RAB27B: variants seen among roughly 807,000 people sequenced by gnomAD.
RAB27B encodes ras-related protein Rab-27B.
A neutral mutation model predicts 24.6 loss-of-function variants in RAB27B; 15 were observed. That is an observed-to-expected ratio of 0.61 (90% CI 0.41 to 0.94). The LOEUF (loss-of-function observed/expected upper bound fraction) is 0.94, where lower values mean the gene tolerates loss of function less well. Ranked by LOEUF, RAB27B falls within the 40% of genes least tolerant of loss-of-function variation. The probability of loss-of-function intolerance (pLI) is 0.00; values close to 1 mark genes in which losing one functional copy is unlikely to be tolerated. For missense variants in RAB27B, 261 were observed against 266.8 expected (o/e 0.98, Z 0.15); for synonymous variants, 105 against 92.5 (o/e 1.14, Z -0.78).
intron 2 of RAB27B, among the ~76,000 whole-genome samples, chr18:54,784,843 G>A (rs1909030669): frequency 6.6e-6 from 1 of 152,146 alleles, no homozygotes; most frequent in African/African-American, 2.4e-5. Context: ...TAATGGGATT[G>A]CTGGGTCAAA....
At chr18:54,787,744 C>A (rs948842753) in intron 2 of RAB27B, among the ~76,000 whole-genome samples, 3 of 150,056 alleles carry the variant, frequency 2.0e-5, no homozygotes, top group African/African-American at 7.4e-5. Flanking sequence ...AAAAAAAAAA[C>A]CTTCTCTAAC....
intron 1 of RAB27B, among the ~76,000 whole-genome samples, chr18:54,852,729 T>C (rs530401958): frequency 2.0e-5 from 3 of 152,354 alleles, no homozygotes; most frequent in South Asian, 4.1e-4. Flanking sequence ...GGAAAGGAAG[T>C]AGTGTCTTTT....
At chr18:54,720,811 T>C (rs1015830266) in intron 2 of RAB27B, among the ~76,000 whole-genome samples, 4 of 152,076 alleles carry the variant, frequency 2.6e-5, no homozygotes, top group Admixed American at 2.6e-4. Flanking sequence ...CCTTTTTTAT[T>C]TGTCATGAAA....
intron 1 of RAB27B, among the ~76,000 whole-genome samples, chr18:54,850,851 T>G (rs2145218514): frequency 6.6e-6 from 1 of 151,708 alleles, no homozygotes; most frequent in African/African-American, 2.4e-5. Context: ...GAATACATAT[T>G]CCTAAAGAGA....
At chr18:54,782,268 C>T (rs974670113) in intron 2 of RAB27B, among the ~76,000 whole-genome samples, 9 of 152,118 alleles carry the variant, frequency 5.9e-5, no homozygotes, top group African/African-American at 2.2e-4. Flanking sequence ...TTTTCGTGTC[C>T]TGTTTACAAA....
chr18:54,721,565 G>A (rs9783849), intron 2 of RAB27B, among the ~76,000 whole-genome samples: 32,931 of 152,062 alleles, frequency 0.22, 5,788 homozygotes, highest in African/African-American at 0.49. Flanking sequence ...ATCTCTTGCT[G>A]TATTGCAAGT....
At chr18:54,846,219 A>G (rs149447730) in intron 1 of RAB27B, among the ~76,000 whole-genome samples, 573 of 152,310 alleles carry the variant, frequency 3.8e-3, no homozygotes, top group African/African-American at 0.013. Context: ...GCTGTTGACG[A>G]TGAGTTCAGT....
intron 2 of RAB27B, among the ~76,000 whole-genome samples, chr18:54,775,382 C>T (rs1261968324): frequency 6.6e-6 from 1 of 152,146 alleles, no homozygotes; most frequent in East Asian, 1.9e-4. Flanking sequence ...GATTTCTTGG[C>T]CTAAGTTTTG....
chr18:54,792,973 G>T (rs1909299923), intron 2 of RAB27B, among the ~76,000 whole-genome samples: 1 of 152,072 alleles, frequency 6.6e-6, no homozygotes, highest in African/African-American at 2.4e-5. Flanking sequence ...ATAGAAGTCA[G>T]CCTTCTGTAT....
In RAB27B at chr18:54,791,377, C is replaced by A. The variant is rs145843124; in HGVS notation, c.-20+73236C>A. On this transcript the variant is annotated intron_variant, in intron 2 of 4. Coordinates refer to the RAB27B transcript ENST00000586570. ...CTGCTTAAGGCCAGCAGTTTAAGAC[C>A]AGCCAGGGCAACATAGTGAGACCCC... Among the ~76,000 whole-genome samples, 81 of 152,230 alleles carry A rather than the reference C, an allele frequency of 5.3e-4. 2 individuals carry two copies. The highest frequency in any genetic ancestry group is 3.4e-3 in the Middle Eastern group (1 of 294).
chr18:54,722,292 G>A (rs978680745), intron 2 of RAB27B, among the ~76,000 whole-genome samples: 2 of 152,146 alleles, frequency 1.3e-5, no homozygotes, highest in East Asian at 1.9e-4. Context: ...AATTGTTTCC[G>A]AATCTTCTAA....
intron 1 of RAB27B, among the ~76,000 whole-genome samples, chr18:54,850,400 CTCACTCTGTCACCCA>C (rs2145217586): frequency 7.4e-6 from 1 of 135,580 alleles, no homozygotes; most frequent in South Asian, 2.5e-4. Context: ...GAGACAGAGT[CTCACTCTGTCACCCA>C]GCCTGGAGTG....
intron 1 of RAB27B, among the ~76,000 whole-genome samples, chr18:54,866,821 T>G (rs992971987): frequency 1.3e-5 from 2 of 152,190 alleles, no homozygotes; most frequent in African/African-American, 4.8e-5. Flanking sequence ...AAACCCGATG[T>G]GGGGCAGCTC....
intron 1 of RAB27B, among the ~76,000 whole-genome samples, chr18:54,859,021 A>G (rs1457535061): frequency 6.6e-6 from 1 of 152,180 alleles, no homozygotes; most frequent in South Asian, 2.1e-4. Flanking sequence ...GTTCAAAAAT[A>G]TGAGAAACTA....
upstream of RAB27B, among the ~76,000 whole-genome samples, chr18:54,825,348 C>T (rs12959833): frequency 0.2 from 30,192 of 152,042 alleles, 3,603 homozygotes; most frequent in East Asian, 0.39. Flanking sequence ...GTGAAACTTT[C>T]GATCTCCAAA....
intron 2 of RAB27B, among the ~76,000 whole-genome samples, chr18:54,733,132 A>G (rs1219900307): frequency 2.6e-5 from 4 of 152,008 alleles, no homozygotes; most frequent in Non-Finnish European, 5.9e-5. Flanking sequence ...TGTAACCTCA[A>G]ACTCCTGGGC....
Position 54,889,519 on chromosome 18 carries a change from C to G in RAB27B, c.*106C>G. 1 of 1,004,574 alleles carries G rather than the reference C, an allele frequency of 1.0e-6. No individual in the cohort carries two copies. The highest frequency in any genetic ancestry group is 2.7e-5 in the East Asian group (1 of 36,804). 62.2% of individuals were successfully genotyped at this position (1,004,574 alleles called of 1,614,324 possible). On this transcript the variant is annotated 3_prime_UTR_variant, in exon 6 of 6. Coordinates refer to ENST00000262094, the MANE Select transcript of RAB27B (RefSeq NM_004163.4). Reference sequence around the variant, plus strand: ...GAGTAAACCACGCACAATGGCATGTCTTTCTTTTTCTGCCAGAAAATCTAT... The same window carrying G: ...GAGTAAACCACGCACAATGGCATGTGTTTCTTTTTCTGCCAGAAAATCTAT...
intron 2 of RAB27B, among the ~76,000 whole-genome samples, chr18:54,796,407 C>T (rs1214458324): frequency 2.0e-5 from 3 of 152,176 alleles, no homozygotes; most frequent in Non-Finnish European, 4.4e-5. Flanking sequence ...AGTGTTTGCC[C>T]AGTGTACCAG....
At chr18:54,805,883 T>C (rs1909776350) in intron 2 of RAB27B, among the ~76,000 whole-genome samples, 1 of 152,194 alleles carries the variant, frequency 6.6e-6, no homozygotes, top group South Asian at 2.1e-4. Flanking sequence ...GAAATTATAA[T>C]TTAAGTCCTC....
Sources: allele counts gnomAD v4.1 joint callset (sites outside exome capture counted in the v4.1 genomes callset), GRCh38; gene constraint gnomAD v4.1.1; transcripts MANE v1.5; gene names NCBI Gene and HGNC (gene_info 2026-07-23, HGNC 2026-07-21).